Variants in ENPP1 observed in about 807,000 individuals in gnomAD.
The protein encoded by ENPP1 is ectonucleotide pyrophosphatase/phosphodiesterase family member 1.
ENPP1 carries 73 observed loss-of-function variants against 122.8 expected under a neutral mutation model. That is an observed-to-expected ratio of 0.59 (90% CI 0.49 to 0.72). ENPP1 has a LOEUF of 0.72. Among genes scored for constraint, ENPP1 ranks in the 30% least tolerant of loss-of-function variants. The pLI, the probability that ENPP1 is intolerant of heterozygous loss-of-function variation, is 0.00. For synonymous variants in ENPP1, 367 were observed against 391.6 expected (o/e 0.94, Z 0.74); for missense variants, 978 against 1,128.1 (o/e 0.87, Z 1.91).
chr6:131,888,966 G>C (rs1410045859), intron 24 of ENPP1, among the ~76,000 whole-genome samples: 1 of 152,122 alleles, frequency 6.6e-6, no homozygotes, highest in Admixed American at 6.5e-5. Context: ...CACCATTAGG[G>C]ACCCAGAACT....
rs1050769815 is a variant in ENPP1 at position 131,835,347 on chromosome 6, T to A, written c.241-12429T>A. Among the ~76,000 whole-genome samples, 32 of 152,314 alleles carry A rather than the reference T, an allele frequency of 2.1e-4. No homozygotes were observed. The East Asian group carries it at 2.9e-3, about 14-fold the overall frequency. ...CTGATAGGAGTTTTCTTTGAGTCTG[T>A]TCTTCAAATGCTTATTTATCAGGAT... is the stretch of plus-strand genomic sequence containing the variant. On this transcript the variant is annotated intron_variant, in intron 1 of 24. Transcript: ENST00000647893.
intron 9 of ENPP1, among the ~76,000 whole-genome samples, chr6:131,863,912 C>T (rs1237775842): frequency 6.6e-6 from 1 of 151,816 alleles, no homozygotes; most frequent in African/African-American, 2.4e-5. Flanking sequence ...GAGACTCTGT[C>T]TCAAAAAAAA....
chr6:131,832,752 T>G (rs1781629327), intron 1 of ENPP1, among the ~76,000 whole-genome samples: 1 of 152,154 alleles, frequency 6.6e-6, no homozygotes, highest in Admixed American at 6.5e-5. Flanking sequence ...TCTTTCTGTC[T>G]CTTCTTGCAG....
chr6:131,826,426 G>T, intron 1 of ENPP1: 1 of 923,082 alleles, frequency 1.1e-6, no homozygotes, highest in South Asian at 1.4e-5. Context: ...CTCTAGGTTA[G>T]ATAATGCCCC....
At chr6:131,890,281 T>C in intron 24 of ENPP1, 60 bp from the exon 25 acceptor site, 11 of 1,357,020 alleles carry the variant, frequency 8.1e-6, no homozygotes, top group Non-Finnish European at 1.2e-5. Flanking sequence ...ATGGAGCACT[T>C]ATAGAAGTGA....
At chr6:131,847,105 C>G (rs1262962900) in intron 1 of ENPP1, among the ~76,000 whole-genome samples, 1 of 151,932 alleles carries the variant, frequency 6.6e-6, no homozygotes, top group Non-Finnish European at 1.5e-5. Flanking sequence ...GTCAGCTGAC[C>G]CTCTTCAGGG....
chr6:131,823,782 G>C (rs951719070), intron 1 of ENPP1, among the ~76,000 whole-genome samples: 1 of 152,092 alleles, frequency 6.6e-6, no homozygotes, highest in Non-Finnish European at 1.5e-5. Flanking sequence ...GAGCCAGAGT[G>C]CTGGAGTGTA....
chr6:131,827,394 T>G, intron 1 of ENPP1: 1 of 760,284 alleles, frequency 1.3e-6, no homozygotes, highest in Non-Finnish European at 2.4e-6. Flanking sequence ...GGAATATTGC[T>G]TCATGGATCT....
chr6:131,894,007 G>A lies in ENPP1; in HGVS notation c.*3496G>A, dbSNP rs1165935434. ...GATGCTCTGTCACCCAGGCTGGAGT[G>A]CAGTGGCAAGATCTTGGCTCACTGC... On this transcript the variant is annotated 3_prime_UTR_variant, in exon 25 of 25. Coordinates refer to ENST00000647893, the MANE Select transcript of ENPP1 (RefSeq NM_006208.3). 4 of 120,880 alleles carry A rather than the reference G, an allele frequency of 3.3e-5. No individual in the cohort carries two copies. The highest frequency in any genetic ancestry group is 4.8e-5 in the Non-Finnish European group (3 of 62,372). 7.5% of individuals were successfully genotyped at this position (120,880 alleles called of 1,614,324 possible). A position where few individuals can be genotyped will look rare whatever the true frequency, so the allele number is the denominator to read the frequency against.
chr6:131,843,310 AC>A (rs1360867510), intron 1 of ENPP1, among the ~76,000 whole-genome samples: 1 of 152,194 alleles, frequency 6.6e-6, no homozygotes, highest in African/African-American at 2.4e-5. Flanking sequence ...CTATTGTCAT[AC>A]TTTTGTTTCA....
chr6:131,824,419 G>T (rs1333001934), intron 1 of ENPP1, among the ~76,000 whole-genome samples: 1 of 151,914 alleles, frequency 6.6e-6, no homozygotes, highest in Non-Finnish European at 1.5e-5. Flanking sequence ...GGGAAATGTT[G>T]CCAGAGCCAT....
rs1782529383 is a variant in ENPP1, at chr6:131,895,091, T to C, written c.*4580T>C. 1 of 152,230 alleles carries C rather than the reference T, an allele frequency of 6.6e-6. No homozygotes were observed. The highest frequency in any genetic ancestry group is 1.5e-5 in the Non-Finnish European group (1 of 68,038). 9.4% of individuals were successfully genotyped at this position (152,230 alleles called of 1,614,324 possible). On this transcript the variant is annotated 3_prime_UTR_variant, in exon 25 of 25. Coordinates refer to ENST00000647893, the MANE Select transcript of ENPP1 (RefSeq NM_006208.3). ...TATTGTAAGAGAGAGAGAAGAAAAG[T>C]GTACGGAATATAATTGTCTCTAAGC...
At chr6:131,873,636 A>G (rs1782191239) in intron 15 of ENPP1, among the ~76,000 whole-genome samples, 2 of 151,806 alleles carry the variant, frequency 1.3e-5, no homozygotes, top group South Asian at 4.2e-4. Flanking sequence ...TTGGCAAATT[A>G]TTTGGATGGT....
intron 1 of ENPP1, among the ~76,000 whole-genome samples, chr6:131,834,996 C>T (rs920819570): frequency 1.3e-5 from 2 of 151,942 alleles, no homozygotes; most frequent in Admixed American, 1.3e-4. Flanking sequence ...ATATTTAGTC[C>T]AACTCTTTTT....
intron 1 of ENPP1, among the ~76,000 whole-genome samples, chr6:131,843,469 T>C (rs1013714131): frequency 6.6e-6 from 1 of 152,204 alleles, no homozygotes; most frequent in African/African-American, 2.4e-5. Flanking sequence ...TTTAAACCAA[T>C]GGTTACCATT....
At chr6:131,839,325 G>T in intron 1 of ENPP1, among the ~76,000 whole-genome samples, 1 of 149,922 alleles carries the variant, frequency 6.7e-6, no homozygotes, top group South Asian at 2.1e-4. Flanking sequence ...ATTCTGTGTT[G>T]ATCTTAGACT....
At chr6:131,873,196 C>G in intron 15 of ENPP1, 146 bp downstream of exon 15, 1 of 978,984 alleles carries the variant, frequency 1.0e-6, no homozygotes, top group Non-Finnish European at 1.6e-6. Flanking sequence ...TAATGTCGGC[C>G]TATGGATGTT....
chr6:131,869,854 T>TAAA (rs757712283), intron 13 of ENPP1, among the ~76,000 whole-genome samples: 4 of 99,040 alleles, frequency 4.0e-5, no homozygotes, highest in Admixed American at 2.3e-4. Context: ...AGACTTGGTC[T>TAAA]AAAAAAAAAA....
chr6:131,835,738 G>A (rs914079677), intron 1 of ENPP1, among the ~76,000 whole-genome samples: 11 of 151,900 alleles, frequency 7.2e-5, no homozygotes, highest in African/African-American at 2.4e-4. Context: ...CCCCTGACAG[G>A]CCCAGTGTGT....
Sources: allele counts gnomAD v4.1 joint callset (sites outside exome capture counted in the v4.1 genomes callset), GRCh38; gene constraint gnomAD v4.1.1; transcripts MANE v1.5; gene names NCBI Gene and HGNC (gene_info 2026-07-23, HGNC 2026-07-21).